The following NCOA6 variants were observed in gnomAD, a reference collection of about 807,000 sequenced individuals.
NCOA6 encodes nuclear receptor coactivator 6, also known as NRC RAP250.
A neutral mutation model predicts 171.4 loss-of-function variants in NCOA6; 49 were observed. That is an observed-to-expected ratio of 0.29 (90% CI 0.23 to 0.36). The LOEUF is 0.36. NCOA6 is among the 10% of genes least tolerant of loss of function. The pLI is 1.00. For synonymous variants in NCOA6, 910 were observed against 927.5 expected, an observed-to-expected ratio of 0.98 and a Z score of 0.34; for missense variants, 2,248 against 2,554.5, an observed-to-expected ratio of 0.88 and a Z score of 2.59.
intron 1 of NCOA6, among the ~76,000 whole-genome samples, chr20:34,822,411 C>G (rs1437843322): frequency 6.6e-6 from 1 of 152,170 alleles, no homozygotes; most frequent in African/African-American, 2.4e-5. Flanking sequence ...GTGTCTTTAC[C>G]TGAAAGGCCC....
In NCOA6 at chr20:34,758,018, G is replaced by A. The variant is rs1170577677; in HGVS notation, c.730C>T (p.Gln244Ter). 6.2e-7 allele frequency: 1 copy of A among 1,614,116 alleles called. No homozygotes were observed. Among genetic ancestry groups the A allele is most frequent in the Non-Finnish European group, 8.5e-7 (1 of 1,180,006 alleles). The change falls in exon 7 of 15, where the codon CAG (glutamine) becomes TAG (stop). Residue 244 changes from glutamine to a stop codon, truncating the protein, a stop_gained. Transcript: ENST00000359003. LOFTEE classifies it high-confidence loss of function. ...GSLAPPHHPM[Q>*]PVSVNRQMNP... ...ATTTGTCTGTTCACAGAGACAGGCT[G>A]CATTGGGTGATGTGGGGGAGCTAAA...
At position 34,740,884 on chromosome 20, in the gene NCOA6, G is replaced by T; in HGVS notation, c.5372C>A (p.Thr1791Lys). ...QNTLPSSQST[T>K]MVSPLLTNSP... ...ATTGGTCAAAAGGGGAGAAACCATT[G>T]TGGTTGACTGTGAAGAGGGAAGAGT... Residue 1791 changes from threonine (T) to lysine (K), a missense_variant, in exon 11 of 15, where the codon ACA becomes AAA. Physicochemically the swap from Thr to Lys is moderately conservative, Grantham distance 78. Transcript: ENST00000359003. 1 of 1,614,246 alleles carries T rather than the reference G, an allele frequency of 6.2e-7. No homozygotes were observed. The highest frequency in any genetic ancestry group is 8.5e-7 in the Non-Finnish European group (1 of 1,180,050).
At chr20:34,787,470 GAGCTA>G (rs2077722069) in intron 2 of NCOA6, among the ~76,000 whole-genome samples, 1 of 151,610 alleles carries the variant, frequency 6.6e-6, no homozygotes, top group African/African-American at 2.4e-5. Flanking sequence ...AGGCTACAGT[GAGCTA>G]TGATTGTGCC....
intron 1 of NCOA6, among the ~76,000 whole-genome samples, chr20:34,800,250 A>C (rs527275111): frequency 6.6e-6 from 1 of 152,292 alleles, no homozygotes; most frequent in African/African-American, 2.4e-5. Flanking sequence ...AGTAAATTAA[A>C]ACATACCACT....
intron 14 of NCOA6, among the ~76,000 whole-genome samples, chr20:34,725,488 G>A (rs1377359744): frequency 2.6e-5 from 4 of 152,280 alleles, no homozygotes; most frequent in Non-Finnish European, 4.4e-5. Flanking sequence ...GAATGAGGAC[G>A]GCATGTCCGA....
At position 34,741,890 on chromosome 20, in the gene NCOA6, C is replaced by T. The variant is rs1240195406; in HGVS notation, c.4366G>A (p.Asp1456Asn). 1.3e-5 allele frequency: 21 copies of T among 1,614,094 alleles called. No homozygotes were observed. The highest frequency in any genetic ancestry group is 1.7e-5 in the Non-Finnish European group (20 of 1,180,036). Residue 1456 changes from aspartate to asparagine, a missense_variant, in exon 11 of 15, where the codon GAT (aspartate) becomes AAT (asparagine). By Grantham distance (23) the Asp-to-Asn change is conservative. Coordinates refer to ENST00000359003, the MANE Select transcript of NCOA6 (RefSeq NM_014071.5). ...AQEVKMVVPE[D>N]QSKKDGQPSD... ...GGCTGCCCATCCTTTTTGGACTGAT[C>T]TTCAGGGACAACCATTTTAACTTCT...
chr20:34,759,004 G>T, intron 5 of NCOA6, 71 bp from the exon 6 acceptor site: 4 of 1,449,192 alleles, frequency 2.8e-6, no homozygotes, highest in East Asian at 2.3e-5. Context: ...GTTATTTCAA[G>T]AATATGAAAA....
chr20:34,773,025 C>T (rs1600955518), intron 4 of NCOA6, among the ~76,000 whole-genome samples: 1 of 152,286 alleles, frequency 6.6e-6, no homozygotes, highest in East Asian at 1.9e-4. Context: ...TACCGGCTCC[C>T]AAACTTGCCA....
chr20:34,767,470 A>AT (rs1329031313), intron 5 of NCOA6, among the ~76,000 whole-genome samples: 1 of 151,908 alleles, frequency 6.6e-6, no homozygotes, highest in Non-Finnish European at 1.5e-5. Context: ...TAATTTTTGT[A>AT]TTTTTAGTAG....
chr20:34,792,001 T>C (rs1355643925), intron 2 of NCOA6, among the ~76,000 whole-genome samples: 1 of 151,966 alleles, frequency 6.6e-6, no homozygotes, highest in East Asian at 1.9e-4. Context: ...GGGAGGGAAA[T>C]AGAAATTTCA....
At chr20:34,734,937 C>T (rs1376332366) in intron 12 of NCOA6, among the ~76,000 whole-genome samples, 10 of 152,002 alleles carry the variant, frequency 6.6e-5, no homozygotes, top group Non-Finnish European at 8.8e-5. Flanking sequence ...TGTGAGCCAC[C>T]GCGCCTGGCC....
At chr20:34,798,433 C>G (rs1459131767) in intron 1 of NCOA6, among the ~76,000 whole-genome samples, 1 of 152,218 alleles carries the variant, frequency 6.6e-6, no homozygotes, top group Non-Finnish European at 1.5e-5. Flanking sequence ...GGCTTTGCCA[C>G]TTGCTGACTG....
chr20:34,731,314 C>G (rs2075772507), intron 13 of NCOA6, among the ~76,000 whole-genome samples: 1 of 152,188 alleles, frequency 6.6e-6, no homozygotes, highest in African/African-American at 2.4e-5. Context: ...GCCACTGCAC[C>G]CAGCCTCATT....
chr20:34,764,166 C>T (rs2076904388), intron 5 of NCOA6, among the ~76,000 whole-genome samples: 1 of 151,596 alleles, frequency 6.6e-6, no homozygotes, highest in South Asian at 2.1e-4. Flanking sequence ...CGGCTCACTG[C>T]AAGCTCCGCC....
chr20:34,720,305 A>C (rs1989168442), intron 14 of NCOA6, among the ~76,000 whole-genome samples: 1 of 152,192 alleles, frequency 6.6e-6, no homozygotes, highest in Non-Finnish European at 1.5e-5. Context: ...GTGCAATTTT[A>C]AAAAGTGATT....
At position 34,757,804 on chromosome 20, in the gene NCOA6, G is replaced by A. The variant is rs142275375; in HGVS notation, c.944C>T (p.Pro315Leu). Reference protein sequence around the residue: ...QFTAPTQVPVPPGWNQLPSGA... With the variant: ...QFTAPTQVPVLPGWNQLPSGA... Reference sequence around the variant, plus strand: ...AGAAGGCAGCTGGTTCCAGCCTGGAGGAACAGGCACCTGAGTTGGGGCAGT... The same window carrying A: ...AGAAGGCAGCTGGTTCCAGCCTGGAAGAACAGGCACCTGAGTTGGGGCAGT... Residue 315 changes from proline to leucine, a missense_variant, in exon 7 of 15, where the codon CCT becomes CTT. Pro to Leu is a moderately conservative substitution (Grantham distance 98, BLOSUM62 -3). Coordinates refer to ENST00000359003, the MANE Select transcript of NCOA6 (RefSeq NM_014071.5). 2.4e-5 allele frequency: 39 copies of A among 1,614,028 alleles called. No individual in the cohort carries two copies. Among genetic ancestry groups the A allele is most frequent in the Non-Finnish European group, 3.1e-5 (37 of 1,180,034 alleles).
chr20:34,727,522 T>C (rs1990110431), intron 13 of NCOA6, 115 bp from the exon 14 acceptor site: 3 of 1,165,230 alleles, frequency 2.6e-6, no homozygotes, highest in African/African-American at 1.5e-5. Context: ...ATATAGTTAT[T>C]CTGGAGAGAA....
intron 1 of NCOA6, among the ~76,000 whole-genome samples, chr20:34,815,899 A>G (rs1451759010): frequency 6.6e-6 from 1 of 152,186 alleles, no homozygotes; most frequent in African/African-American, 2.4e-5. Flanking sequence ...GAATGTCTCT[A>G]AAACTTGACT....
At chr20:34,789,715 G>C (rs1046132228) in intron 2 of NCOA6, among the ~76,000 whole-genome samples, 3 of 152,168 alleles carry the variant, frequency 2.0e-5, no homozygotes, top group African/African-American at 7.2e-5. Flanking sequence ...GTGAGGGGAA[G>C]GGTGGAGGTT....
Sources: gnomAD v4.1 joint callset for allele counts (sites outside exome capture counted in the v4.1 genomes callset) on GRCh38, gnomAD v4.1.1 for gene constraint, MANE v1.5 for transcripts, NCBI Gene and HGNC (gene_info 2026-07-23, HGNC 2026-07-21) for gene names.